Variants in DCP2 observed in about 807,000 individuals in gnomAD.
The protein encoded by DCP2 is decapping mRNA 2, also known as m7GpppN-mRNA hydrolase.
Under a neutral mutation model 56.1 loss-of-function variants are expected in DCP2, and 30 were observed. The observed-to-expected ratio is 0.53, with a 90% CI of 0.40 to 0.73. DCP2 has a LOEUF of 0.73. DCP2 is among the 30% of genes least tolerant of loss of function. The probability of loss-of-function intolerance (pLI) is 0.00; values close to 1 mark genes in which losing one functional copy is unlikely to be tolerated. For synonymous variants in DCP2, 197 were observed against 163.3 expected (o/e 1.21, Z -1.57); for missense variants, 533 against 502.7 (o/e 1.06, Z -0.58).
At chr5:112,987,024 G>T (rs1241435206) in intron 2 of DCP2, among the ~76,000 whole-genome samples, 1 of 152,116 alleles carries the variant, frequency 6.6e-6, no homozygotes, top group Non-Finnish European at 1.5e-5. Flanking sequence ...AGTCATCTTT[G>T]CCTTCAGAGA....
chr5:112,985,158 T>C (rs779309248), intron 1 of DCP2, among the ~76,000 whole-genome samples: 5 of 152,186 alleles, frequency 3.3e-5, no homozygotes, highest in South Asian at 2.1e-4. Context: ...TTGACTTAGA[T>C]TGATGAATTT....
At chr5:112,990,196 G>A (rs570124306) in intron 2 of DCP2, among the ~76,000 whole-genome samples, 84 of 152,280 alleles carry the variant, frequency 5.5e-4, no homozygotes, top group African/African-American at 1.8e-3. Context: ...CAGTAGAGAA[G>A]ACTGCATACT....
intron 1 of DCP2, among the ~76,000 whole-genome samples, chr5:112,981,379 A>G (rs911492617): frequency 6.6e-6 from 1 of 152,154 alleles, no homozygotes; most frequent in African/African-American, 2.4e-5. Context: ...AGTCTCTGAT[A>G]TGGTGAGATG....
At chr5:112,987,841 A>G (rs999184548) in intron 2 of DCP2, among the ~76,000 whole-genome samples, 5 of 150,866 alleles carry the variant, frequency 3.3e-5, no homozygotes, top group African/African-American at 7.3e-5. Flanking sequence ...CTTGTTGCCC[A>G]GTCTGGCTTG....
In DCP2 at chr5:113,001,343, C is replaced by T. The variant is rs1185354647; in HGVS notation, c.586-14C>T. On this transcript the variant is annotated splice_polypyrimidine_tract_variant and intron_variant, in intron 5 of 10. Coordinates refer to ENST00000389063, the MANE Select transcript of DCP2 (RefSeq NM_152624.6). ...AAAAATTAACTAAATGAATTATTTT[C>T]TTCTGTGTTTCAGAACATTGAGTGG... 6 of 1,600,642 alleles carry T rather than the reference C, an allele frequency of 3.7e-6. No homozygotes were observed. In the East Asian group the frequency reaches 1.3e-4, roughly 36 times the overall value.
In DCP2 at chr5:113,008,546, G is replaced by A. The variant is rs980150885; in HGVS notation, c.1047+504G>A. Among the ~76,000 whole-genome samples the A allele has an allele frequency of 1.1e-4, 16 of 152,142 alleles. No homozygotes were observed. The East Asian group carries it at 3.1e-3, about 29-fold the overall frequency. ...GTTAATTCATAACTCACAGTCTCCT[G>A]CGTTATCTTTTCTGTAAGTTCTGAT... On this transcript the variant is annotated intron_variant, in intron 9 of 10. Transcript: ENST00000389063.
chr5:112,991,936 G>A lies in DCP2; in HGVS notation c.206-185G>A, dbSNP rs533461059. Among the ~76,000 whole-genome samples, 8 of 152,170 alleles carry A rather than the reference G, an allele frequency of 5.3e-5. No individual in the cohort carries two copies. In the East Asian group the frequency reaches 7.7e-4, roughly 15 times the overall value. The stretch of plus-strand genomic sequence containing the variant: ...AAAAAACAAAAACACAGTCTGCCTC[G>A]GCCTCCCAAAGTGCTGGGGTTACAG... On this transcript the variant is annotated intron_variant, in intron 2 of 10. Transcript: ENST00000389063.
intron 4 of DCP2, among the ~76,000 whole-genome samples, chr5:112,998,356 G>T (rs1469025851): frequency 6.6e-6 from 1 of 152,166 alleles, no homozygotes; most frequent in East Asian, 1.9e-4. Context: ...CCTAGCTCCA[G>T]TTTATCCAGC....
rs1024582450 is a variant in DCP2, at chr5:113,017,883, C to G, written c.*4399C>G. 6.6e-6 allele frequency: 1 copy of G among 152,058 alleles called. No homozygotes were observed. Among genetic ancestry groups the G allele is most frequent in the Non-Finnish European group, 1.5e-5 (1 of 68,018 alleles). 9.4% of individuals were successfully genotyped at this position (152,058 alleles called of 1,614,324 possible). A position where few individuals can be genotyped will look rare whatever the true frequency, so the allele number is the denominator to read the frequency against. ...CGCCATTATCGAGTGTTTTCTAGCCCTGGATAAAGTTAATTTTTTTGAAGT... is the reference window on the plus strand; with the variant it reads ...CGCCATTATCGAGTGTTTTCTAGCCGTGGATAAAGTTAATTTTTTTGAAGT... On this transcript the variant is annotated 3_prime_UTR_variant, in exon 11 of 11. Transcript: ENST00000389063.
chr5:113,012,872 G>A (rs942982747), intron 10 of DCP2, among the ~76,000 whole-genome samples: 3 of 152,090 alleles, frequency 2.0e-5, no homozygotes, highest in Admixed American at 2.0e-4. Context: ...TCGAACTCCT[G>A]ACCTTGTGAT....
chr5:113,010,719 ATG>A (rs201023531), intron 9 of DCP2, 35 bp from the exon 10 acceptor site: 59,950 of 1,127,420 alleles, frequency 0.053, 43 homozygotes, highest in East Asian at 0.094. Flanking sequence ...ACTGTGTTGT[ATG>A]TGTGTGTGTG....
intron 1 of DCP2, among the ~76,000 whole-genome samples, chr5:112,981,183 AT>A (rs574194836): frequency 3.3e-5 from 5 of 151,076 alleles, no homozygotes; most frequent in African/African-American, 1.2e-4. Flanking sequence ...TATTAAATAC[AT>A]TTTTTTTTGG....
At chr5:112,999,483 C>T (rs936958375) in intron 4 of DCP2, among the ~76,000 whole-genome samples, 1 of 151,988 alleles carries the variant, frequency 6.6e-6, no homozygotes, top group Non-Finnish European at 1.5e-5. Flanking sequence ...CATGCGCCAC[C>T]CCGCCTGGCT....
In DCP2 at chr5:113,021,797, A is replaced by C. The variant is rs571543062; in HGVS notation, c.*8313A>C. On this transcript the variant is annotated 3_prime_UTR_variant, in exon 11 of 11. Transcript: ENST00000389063. ...GCTGCTTGCCATCTTGTTGTCCTATATGACTTCCTTGCATTTCCAGTCCTT... is the reference window on the plus strand; with the variant it reads ...GCTGCTTGCCATCTTGTTGTCCTATCTGACTTCCTTGCATTTCCAGTCCTT... 6.6e-6 allele frequency among the ~76,000 whole-genome samples: 1 copy of C among 152,350 alleles called. No individual in the cohort carries two copies. The highest frequency in any genetic ancestry group is 1.9e-4 in the East Asian group (1 of 5,190).
intron 8 of DCP2, among the ~76,000 whole-genome samples, chr5:113,004,860 G>A (rs540922108): frequency 7.3e-5 from 11 of 151,022 alleles, no homozygotes; most frequent in African/African-American, 2.7e-4. Context: ...AGGCGTGGTG[G>A]CTCATGGCTG....
intron 10 of DCP2, among the ~76,000 whole-genome samples, chr5:113,012,286 G>A (rs866058063): frequency 6.6e-6 from 1 of 152,322 alleles, no homozygotes; most frequent in South Asian, 2.1e-4. Flanking sequence ...CTTGCGCCCA[G>A]GAGGTTGAGG....
intron 4 of DCP2, among the ~76,000 whole-genome samples, chr5:112,999,721 C>T (rs922186743): frequency 6.6e-6 from 1 of 151,400 alleles, no homozygotes. Flanking sequence ...CCTGGAACTC[C>T]TTTGATCAAG....
chr5:112,999,866 G>T (rs1370174817), intron 4 of DCP2, among the ~76,000 whole-genome samples: 1 of 151,406 alleles, frequency 6.6e-6, no homozygotes, highest in East Asian at 2.0e-4. Flanking sequence ...TTTGAGACCA[G>T]CCTGGCCAAC....
At chr5:113,005,723 T>C (rs1189086016) in intron 8 of DCP2, among the ~76,000 whole-genome samples, 1 of 152,206 alleles carries the variant, frequency 6.6e-6, no homozygotes, top group African/African-American at 2.4e-5. Context: ...AGCAGCATTA[T>C]TCACAATAGC....
Sources: gnomAD v4.1 joint callset for allele counts (sites outside exome capture counted in the v4.1 genomes callset) on GRCh38, gnomAD v4.1.1 for gene constraint, MANE v1.5 for transcripts, NCBI Gene and HGNC (gene_info 2026-07-23, HGNC 2026-07-21) for gene names.